The following SERHL2 variants were observed in gnomAD, a reference collection of about 807,000 sequenced individuals.
SERHL2 encodes serine hydrolase-like protein 2.
SERHL2 carries 29 observed loss-of-function variants against 25.5 expected under a neutral mutation model. That is an observed-to-expected ratio of 1.14 (90% CI 0.85 to 1.55). The LOEUF is 1.55. SERHL2 is among the 40% of genes most tolerant of loss of function. The pLI is 0.00. For missense variants in SERHL2, 240 were observed against 252.3 expected, an observed-to-expected ratio of 0.95 and a Z score of 0.33; for synonymous variants, 95 against 103.5, an observed-to-expected ratio of 0.92 and a Z score of 0.50.
At chr22:42,562,827 T>C (rs1343790634) in intron 8 of SERHL2, among the ~76,000 whole-genome samples, 2 of 151,918 alleles carry the variant, frequency 1.3e-5, no homozygotes, top group Non-Finnish European at 2.9e-5. Context: ...GAAACCATCT[T>C]GAGGTGTTCC....
chr22:42,564,773 C>G (rs1923119670), intron 8 of SERHL2, among the ~76,000 whole-genome samples: 1 of 151,838 alleles, frequency 6.6e-6, no homozygotes, highest in African/African-American at 2.4e-5. Context: ...CTTCATGGCT[C>G]TTTTACAGAG....
intron 8 of SERHL2, among the ~76,000 whole-genome samples, chr22:42,562,192 C>G (rs1004071884): frequency 5.9e-5 from 9 of 151,818 alleles, no homozygotes; most frequent in Admixed American, 3.3e-4. Flanking sequence ...CAGAACCCCC[C>G]ACCCAGTGCC....
chr22:42,554,171 G>A, intron 1 of SERHL2, 129 bp downstream of exon 1: 6 of 1,162,956 alleles, frequency 5.2e-6, no homozygotes, highest in Non-Finnish European at 7.4e-6. Flanking sequence ...CTCCTTCCTC[G>A]GCAGTCCCGG....
At chr22:42,563,042 C>A (rs1351390858) in intron 8 of SERHL2, among the ~76,000 whole-genome samples, 1 of 151,442 alleles carries the variant, frequency 6.6e-6, no homozygotes, top group Non-Finnish European at 1.5e-5. Flanking sequence ...ACAAAAAATT[C>A]AAAAATAAAC....
Position 42,555,302 on chromosome 22 carries a change from T to TTACC in SERHL2, c.245_248dup (p.Gln84ProfsTer7), listed in dbSNP as rs1922080153. On this transcript the variant is annotated frameshift_variant, in exon 3 of 12. Transcript: ENST00000327678. LOFTEE classifies it high-confidence loss of function. ...CCCATTACAGCCCAGGTGTCCCATA[T>TTACC]TACCTCCAGACTTTTGTGAGTGAGA... 3.8e-6 allele frequency: 1 copy of TTACC among 264,918 alleles called. No homozygotes were observed. The highest frequency in any genetic ancestry group is 6.1e-5 in the East Asian group (1 of 16,500). 16.4% of individuals were successfully genotyped at this position (264,918 alleles called of 1,614,324 possible).
rs750908786 is a variant in SERHL2, at chr22:42,566,303, G to C, written c.614-1G>C. The C allele has an allele frequency of 1.3e-5, 21 of 1,611,812 alleles. No individual in the cohort carries two copies. Among genetic ancestry groups the C allele is most frequent in the Admixed American group, 3.3e-5 (2 of 59,988 alleles). Reference sequence around the variant, plus strand: ...TGCTGTCTTTGTGCTTCCGCCTCCAGGTCTGGTTCTGAACAGAGACCAGAG... The same window carrying C: ...TGCTGTCTTTGTGCTTCCGCCTCCACGTCTGGTTCTGAACAGAGACCAGAG... On this transcript the variant is annotated splice_acceptor_variant, in intron 8 of 11. Transcript: ENST00000327678. LOFTEE classifies it high-confidence loss of function.
intron 1 of SERHL2, among the ~76,000 whole-genome samples, 188 bp downstream of exon 1, chr22:42,554,230 G>A (rs1011243356): frequency 6.6e-6 from 1 of 152,154 alleles, no homozygotes; most frequent in Non-Finnish European, 1.5e-5. Context: ...GGACACGGCC[G>A]CACGTGGCCT....
chr22:42,567,910 A>C, intron 9 of SERHL2, among the ~76,000 whole-genome samples: 5 of 151,160 alleles, frequency 3.3e-5, no homozygotes, highest in Non-Finnish European at 7.4e-5. Context: ...TTGTGTTTTT[A>C]GTGGAGATGG....
rs1922518722 is a variant in SERHL2, at chr22:42,560,232, C to T, written c.580C>T (p.Leu194Phe). The change falls in exon 8 of 12, where the codon CTC becomes TTC. Residue 194 changes from leucine (L) to phenylalanine (F), a missense_variant. By Grantham distance (22) the Leu-to-Phe change is conservative. Coordinates refer to ENST00000327678, the MANE Select transcript of SERHL2 (RefSeq NM_014509.5). ...CTTGAGTGAGGAGTGCGGGGAGCTT[C>T]TCCTGCAAAGAGGAACCACGAAGGT... ...SHLSEECGEL[L>F]LQRGTTKVAT... 1.9e-6 allele frequency: 3 copies of T among 1,613,082 alleles called. No homozygotes were observed. The highest frequency in any genetic ancestry group is 1.7e-6 in the Non-Finnish European group (2 of 1,179,304).
At chr22:42,563,147 T>G (rs952263283) in intron 8 of SERHL2, among the ~76,000 whole-genome samples, 1 of 151,624 alleles carries the variant, frequency 6.6e-6, no homozygotes, top group African/African-American at 2.4e-5. Context: ...GAACCTTGAT[T>G]GTGCCACTGC....
At chr22:42,571,043 C>G in intron 9 of SERHL2, 78 bp from the exon 10 acceptor site, 1 of 1,604,042 alleles carries the variant, frequency 6.2e-7, no homozygotes, top group East Asian at 2.2e-5. Flanking sequence ...ACTTAGCCAC[C>G]CCAACAGAGA....
rs188862242 is a variant in SERHL2 at position 42,569,257 on chromosome 22, T to C, written c.649-1864T>C. The stretch of plus-strand genomic sequence containing the variant: ...TGCTGCTGAAGCAAAGCACCTACCT[T>C]CTATTTATTTATTTATTTAGAGACC... On this transcript the variant is annotated intron_variant, in intron 9 of 11. Transcript: ENST00000327678. 6.6e-4 allele frequency: 100 copies of C among 151,674 alleles called. 1 individual carries two copies. The highest frequency in any genetic ancestry group is 2.3e-3 in the African/African-American group (95 of 41,446). 9.4% of individuals were successfully genotyped at this position (151,674 alleles called of 1,614,324 possible). A position where few individuals can be genotyped will look rare whatever the true frequency, so the allele number is the denominator to read the frequency against.
intron 9 of SERHL2, among the ~76,000 whole-genome samples, chr22:42,570,627 G>A (rs189262415): frequency 4.6e-5 from 7 of 150,832 alleles, no homozygotes; most frequent in Non-Finnish European, 9.0e-5. Context: ...TGGCAGGGCC[G>A]CGGAGGAGGC....
chr22:42,562,123 C>A (rs1922757276), intron 8 of SERHL2, among the ~76,000 whole-genome samples: 1 of 151,736 alleles, frequency 6.6e-6, no homozygotes, highest in Non-Finnish European at 1.5e-5. Flanking sequence ...GACAAGCCCT[C>A]TGCAGCAGTT....
chr22:42,566,058 C>A (rs993204413), intron 8 of SERHL2, among the ~76,000 whole-genome samples: 1 of 152,078 alleles, frequency 6.6e-6, no homozygotes, highest in African/African-American at 2.4e-5. Flanking sequence ...TCATTCTGCA[C>A]CGGCCCTTTG....
chr22:42,573,909 T>C lies in SERHL2; in HGVS notation c.826-27T>C. 5 of 1,595,450 alleles carry C rather than the reference T, an allele frequency of 3.1e-6. No homozygotes were observed. In the South Asian group the frequency reaches 5.6e-5, roughly 18 times the overall value. On this transcript the variant is annotated intron_variant, in intron 11 of 11. Transcript: ENST00000327678. ...CTCCCTAGGCTCCTCTGGCCACACC[T>C]CACCACCCACCCCCTCCCCTCTCCA... is the stretch of plus-strand genomic sequence containing the variant.
chr22:42,570,843 G>A (rs1486601852), intron 9 of SERHL2, among the ~76,000 whole-genome samples: 1 of 152,010 alleles, frequency 6.6e-6, no homozygotes, highest in Non-Finnish European at 1.5e-5. Context: ...AATCTCACAG[G>A]CATACCCGGT....
chr22:42,559,229 T>TAAAAAAAAAAAAAAAAAAAAAAAAAA (rs1194822216), intron 7 of SERHL2, among the ~76,000 whole-genome samples: 1 of 69,314 alleles, frequency 1.4e-5, no homozygotes, highest in Admixed American at 1.6e-4. Flanking sequence ...ACCCTGTATT[T>TAAAAAAAAAAAAAAAAAAAAAAAAAA]AAAAAAAAAA....
At chr22:42,572,748 A>G in intron 11 of SERHL2, 1 of 983,798 alleles carries the variant, frequency 1.0e-6, no homozygotes, top group Non-Finnish European at 1.2e-6. Flanking sequence ...TTTGGTGGGG[A>G]ACCCCTGCCA....
Sources: gnomAD v4.1 joint callset for allele counts (sites outside exome capture counted in the v4.1 genomes callset) on GRCh38, gnomAD v4.1.1 for gene constraint, MANE v1.5 for transcripts, NCBI Gene and HGNC (gene_info 2026-07-23, HGNC 2026-07-21) for gene names.